The following AP1G1 variants were observed in gnomAD, a reference collection of about 807,000 sequenced individuals.
The protein encoded by AP1G1 is adaptor related protein complex 1 subunit gamma 1, also known as AP-1 complex subunit gamma-1.
A neutral mutation model predicts 108.3 loss-of-function variants in AP1G1; 7 were observed. The ratio of observed to expected loss-of-function variants is 0.06; its 90% CI spans 0.04 to 0.12. The LOEUF is 0.12. Ranked by LOEUF, AP1G1 falls within the 10% of genes least tolerant of loss-of-function variation. AP1G1 has a pLI of 1.00. For missense variants in AP1G1, 756 were observed against 1,010.7 expected, an observed-to-expected ratio of 0.75 and a Z score of 3.42; for synonymous variants, 379 against 353.5, an observed-to-expected ratio of 1.07 and a Z score of -0.81.
Position 71,794,494 on chromosome 16 carries a change from G to A in AP1G1, c.-3-5012C>T, listed in dbSNP as rs11865412. 4.3e-3 allele frequency among the ~76,000 whole-genome samples: 660 copies of A among 152,148 alleles called. 11 individuals carry two copies. The highest frequency in any genetic ancestry group is 0.015 in the African/African-American group (640 of 41,520). ...ACGGATTATAGATTAATGTGTTTCA[G>A]TTTTTATTAACAGTTATATGATAAA... On this transcript the variant is annotated intron_variant, in intron 1 of 22. Transcript: ENST00000299980.
chr16:71,753,317 C>A (rs1051574054), intron 13 of AP1G1, among the ~76,000 whole-genome samples: 5 of 152,186 alleles, frequency 3.3e-5, no homozygotes, highest in African/African-American at 1.2e-4. Context: ...CCTGCAATGG[C>A]TTCCTAACAT....
chr16:71,773,434 G>C (rs2031649927), intron 3 of AP1G1, 72 bp from the exon 4 acceptor site: 1 of 1,397,288 alleles, frequency 7.2e-7, no homozygotes, highest in Non-Finnish European at 9.5e-7. Flanking sequence ...TTTCAAACTA[G>C]TTCAGGATGA....
intron 4 of AP1G1, 96 bp downstream of exon 4, chr16:71,773,125 T>C: frequency 6.6e-6 from 9 of 1,368,640 alleles, no homozygotes; most frequent in Non-Finnish European, 9.2e-6. Flanking sequence ...AAAATGACTT[T>C]ACATTATCAT....
At position 71,765,565 on chromosome 16, in the gene AP1G1, C is replaced by A; in HGVS notation, c.662G>T (p.Arg221Leu). 6.2e-7 allele frequency: 1 copy of A among 1,612,822 alleles called. No individual in the cohort carries two copies. The highest frequency in any genetic ancestry group is 8.5e-7 in the Non-Finnish European group (1 of 1,179,140). ...GGACATGATGAGGTTCTTTAAAATA[C>A]GAACTAATTGGGGCACAAGCTGCAG... ...HFRKLVPQLV[R>L]ILKNLIMSGY... Residue 221 changes from arginine (R) to leucine (L), a missense_variant, in exon 7 of 23, where the codon CGT (arginine) becomes CTT (leucine). Physicochemically the swap from Arg to Leu is moderately radical, Grantham distance 102 (BLOSUM62 -2). Transcript: ENST00000299980.
chr16:71,769,768 A>C (rs1470839839), intron 5 of AP1G1, 69 bp from the exon 6 acceptor site: 1 of 1,305,080 alleles, frequency 7.7e-7, no homozygotes, highest in Non-Finnish European at 1.1e-6. Flanking sequence ...CAGGACTTTG[A>C]GTTCCTGAAG....
At chr16:71,754,011 G>A in intron 12 of AP1G1, 124 bp from the exon 13 acceptor site, 1 of 869,808 alleles carries the variant, frequency 1.1e-6, no homozygotes, top group African/African-American at 1.7e-5. Context: ...AGGCCGAGGT[G>A]GGAGATCACC....
intron 1 of AP1G1, among the ~76,000 whole-genome samples, chr16:71,792,071 C>A (rs1276904933): frequency 6.6e-6 from 1 of 152,008 alleles, no homozygotes; most frequent in Non-Finnish European, 1.5e-5. Context: ...CAACACTAAA[C>A]TCTTATACAA....
At chr16:71,784,084 C>CAAA (rs1256250237) in intron 2 of AP1G1, among the ~76,000 whole-genome samples, 3 of 152,104 alleles carry the variant, frequency 2.0e-5, no homozygotes, top group Non-Finnish European at 2.9e-5. Context: ...GACTCCTAGA[C>CAAA]AAAAGGTCCA....
At chr16:71,735,393 G>C (rs2045521049) in intron 21 of AP1G1, among the ~76,000 whole-genome samples, 1 of 152,214 alleles carries the variant, frequency 6.6e-6, no homozygotes, top group South Asian at 2.1e-4. Flanking sequence ...GCTGGGTGTG[G>C]TGGCTCAAGC....
At chr16:71,779,995 G>GT (rs573581952) in intron 2 of AP1G1, among the ~76,000 whole-genome samples, 12,637 of 129,536 alleles carry the variant, frequency 0.098, 684 homozygotes, top group Middle Eastern at 0.11. Context: ...GTTTTTTTTT[G>GT]TTTTTTTTTT....
At chr16:71,797,947 A>C (rs544310329) in intron 1 of AP1G1, among the ~76,000 whole-genome samples, 205 of 152,326 alleles carry the variant, frequency 1.3e-3, no homozygotes, top group African/African-American at 4.3e-3. Flanking sequence ...CTTTTAATTA[A>C]TGTATCTGAT....
At chr16:71,744,523 AG>A (rs2030058632) in intron 19 of AP1G1, among the ~76,000 whole-genome samples, 1 of 151,694 alleles carries the variant, frequency 6.6e-6, no homozygotes, top group East Asian at 1.9e-4. Flanking sequence ...GGACACTAAA[AG>A]CAAAGGTGAT....
chr16:71,792,191 G>A (rs1002788583), intron 1 of AP1G1, among the ~76,000 whole-genome samples: 2 of 152,116 alleles, frequency 1.3e-5, no homozygotes, highest in Admixed American at 1.3e-4. Context: ...CTATTAATCT[G>A]AACCATAAAG....
chr16:71,777,186 C>A (rs1316678703), intron 2 of AP1G1, among the ~76,000 whole-genome samples: 1 of 150,400 alleles, frequency 6.6e-6, no homozygotes, highest in Non-Finnish European at 1.5e-5. Context: ...GGCCCCAACC[C>A]CAGCCCACCC....
chr16:71,758,543 T>G, intron 11 of AP1G1: 1 of 590,064 alleles, frequency 1.7e-6, no homozygotes, highest in South Asian at 1.4e-5. Flanking sequence ...GCCTGTTGTA[T>G]TTATCAAAGA....
At chr16:71,738,347 C>T (rs924032218) in intron 21 of AP1G1, among the ~76,000 whole-genome samples, 6 of 152,172 alleles carry the variant, frequency 3.9e-5, no homozygotes, top group Non-Finnish European at 7.4e-5. Context: ...CCGTGAGCCA[C>T]TGCACCCGGC....
chr16:71,737,677 A>G (rs906517884), intron 21 of AP1G1, among the ~76,000 whole-genome samples: 13 of 152,258 alleles, frequency 8.5e-5, no homozygotes, highest in African/African-American at 3.1e-4. Context: ...AAAAATAAAA[A>G]AAGACTGCAA....
intron 1 of AP1G1, among the ~76,000 whole-genome samples, chr16:71,791,415 T>C (rs1434561882): frequency 6.6e-6 from 1 of 152,146 alleles, no homozygotes; most frequent in Non-Finnish European, 1.5e-5. Context: ...AAATTACTAG[T>C]TATTCTAACC....
At chr16:71,800,540 G>A (rs1254161075) in intron 1 of AP1G1, among the ~76,000 whole-genome samples, 8 of 151,430 alleles carry the variant, frequency 5.3e-5, no homozygotes, top group East Asian at 3.9e-4. Flanking sequence ...GGGGGCTCAC[G>A]CCTTTAATCC....
Sources: gnomAD v4.1 joint callset for allele counts (sites outside exome capture counted in the v4.1 genomes callset) on GRCh38, gnomAD v4.1.1 for gene constraint, MANE v1.5 for transcripts, NCBI Gene and HGNC (gene_info 2026-07-23, HGNC 2026-07-21) for gene names.